The following MPPED2 variants were observed in gnomAD, a reference collection of about 807,000 sequenced individuals.
MPPED2 encodes metallophosphoesterase domain containing 2, also known as metallophosphoesterase MPPED2.
In MPPED2, 5 loss-of-function variants were observed where a neutral mutation model predicts 33.0. That is an observed-to-expected ratio of 0.15 (90% CI 0.08 to 0.32). MPPED2 has a LOEUF of 0.32. Among genes scored for constraint, MPPED2 ranks in the 10% least tolerant of loss-of-function variants. MPPED2 has a pLI of 1.00. For synonymous variants in MPPED2, 136 were observed against 141.9 expected (o/e 0.96, Z 0.29); for missense variants, 275 against 372.1 (o/e 0.74, Z 2.15).
At chr11:30,490,775 A>T (rs1951941296) in intron 4 of MPPED2, among the ~76,000 whole-genome samples, 1 of 152,178 alleles carries the variant, frequency 6.6e-6, no homozygotes, top group Non-Finnish European at 1.5e-5. Context: ...CCTAGTCTTG[A>T]GGTAGCTTTC....
intron 6 of MPPED2, 38 bp from the exon 7 acceptor site, chr11:30,411,624 C>A: frequency 6.4e-7 from 1 of 1,553,200 alleles, no homozygotes. Flanking sequence ...GTAATATATA[C>A]AAATGAGAGT....
intron 6 of MPPED2, among the ~76,000 whole-genome samples, chr11:30,413,583 C>T (rs1461429539): frequency 2.0e-5 from 3 of 152,186 alleles, no homozygotes; most frequent in African/African-American, 2.4e-5. Flanking sequence ...GGACCAGTTC[C>T]TATTTAAGAG....
At chr11:30,445,830 T>C (rs969720870) in intron 4 of MPPED2, among the ~76,000 whole-genome samples, 3 of 152,272 alleles carry the variant, frequency 2.0e-5, no homozygotes, top group Non-Finnish European at 2.9e-5. Context: ...TAGGTATCTA[T>C]GTTTTGTTTA....
intron 3 of MPPED2, among the ~76,000 whole-genome samples, chr11:30,520,602 C>T (rs559363045): frequency 6.6e-6 from 1 of 152,094 alleles, no homozygotes; most frequent in South Asian, 2.1e-4. Context: ...TCTTATATGT[C>T]ATTTTCATAT....
At chr11:30,404,390 G>A (rs945571009) in intron 6 of MPPED2, among the ~76,000 whole-genome samples, 1 of 152,168 alleles carries the variant, frequency 6.6e-6, no homozygotes, top group Non-Finnish European at 1.5e-5. Flanking sequence ...TTTCGTCAAT[G>A]GCATGCCATT....
exon 7 of MPPED2, chr11:30,384,922 C>G (rs1947686661): frequency 6.6e-6 from 1 of 152,172 alleles, no homozygotes; most frequent in Admixed American, 6.5e-5. Flanking sequence ...TGCTTTCCAC[C>G]AGACCACAAA....
At chr11:30,415,102 G>T (rs1948285006) in intron 5 of MPPED2, among the ~76,000 whole-genome samples, 1 of 152,172 alleles carries the variant, frequency 6.6e-6, no homozygotes, top group Non-Finnish European at 1.5e-5. Flanking sequence ...TAGGATGAAA[G>T]GCTAAATCGT....
At chr11:30,403,171 C>T (rs529829261) in intron 6 of MPPED2, among the ~76,000 whole-genome samples, 2 of 149,828 alleles carry the variant, frequency 1.3e-5, no homozygotes, top group South Asian at 2.1e-4. Flanking sequence ...GGCGTGAACC[C>T]GGGAGGCGGA....
chr11:30,411,678 G>C (rs1036641143), intron 6 of MPPED2, 92 bp from the exon 7 acceptor site: 1 of 1,054,302 alleles, frequency 9.5e-7, no homozygotes, highest in African/African-American at 1.6e-5. Context: ...AAAAATTTTT[G>C]TCAGTGGGCA....
At chr11:30,485,348 G>A (rs1951671807) in intron 4 of MPPED2, among the ~76,000 whole-genome samples, 1 of 102,860 alleles carries the variant, frequency 9.7e-6, no homozygotes, top group Non-Finnish European at 2.5e-5. Flanking sequence ...ATAAATAGTA[G>A]TTATTATTAT....
At chr11:30,431,419 G>A (rs943751883) in intron 4 of MPPED2, among the ~76,000 whole-genome samples, 1 of 152,208 alleles carries the variant, frequency 6.6e-6, no homozygotes, top group Non-Finnish European at 1.5e-5. Context: ...CAATCTGTAA[G>A]ATGGAGATAA....
chr11:30,483,426 C>A (rs1405786783), intron 4 of MPPED2, among the ~76,000 whole-genome samples: 1 of 151,970 alleles, frequency 6.6e-6, no homozygotes, highest in Non-Finnish European at 1.5e-5. Context: ...ACAAATGAAC[C>A]CTATGAGTTT....
At chr11:30,461,349 A>G (rs1950511236) in intron 4 of MPPED2, among the ~76,000 whole-genome samples, 1 of 152,218 alleles carries the variant, frequency 6.6e-6, no homozygotes, top group Admixed American at 6.5e-5. Flanking sequence ...GTACACTTAA[A>G]AAATAGTTAA....
intron 4 of MPPED2, among the ~76,000 whole-genome samples, chr11:30,432,769 C>T (rs985001074): frequency 1.3e-5 from 2 of 152,168 alleles, no homozygotes; most frequent in Non-Finnish European, 1.5e-5. Context: ...CACAAATCAA[C>T]AGCATTACTT....
intron 4 of MPPED2, among the ~76,000 whole-genome samples, chr11:30,419,736 C>A (rs1332086962): frequency 6.6e-6 from 1 of 152,102 alleles, no homozygotes; most frequent in Non-Finnish European, 1.5e-5. Context: ...AGGGTTTTCT[C>A]TCTGGGATCC....
At chr11:30,556,014 T>A (rs1001193689) in intron 2 of MPPED2, among the ~76,000 whole-genome samples, 20 of 152,332 alleles carry the variant, frequency 1.3e-4, no homozygotes, top group African/African-American at 4.1e-4. Flanking sequence ...CAGTTTTAGA[T>A]GTTCAGCTGA....
At chr11:30,487,063 T>C (rs1049103269) in intron 4 of MPPED2, among the ~76,000 whole-genome samples, 3 of 152,240 alleles carry the variant, frequency 2.0e-5, no homozygotes, top group African/African-American at 7.2e-5. Context: ...GCACTGAGCT[T>C]GCCTAGGGTA....
At chr11:30,521,432 T>C (rs1953871600) in intron 3 of MPPED2, among the ~76,000 whole-genome samples, 1 of 152,194 alleles carries the variant, frequency 6.6e-6, no homozygotes, top group Admixed American at 6.5e-5. Context: ...CCACAAGGAC[T>C]AACAGCCAGG....
At chr11:30,492,384 G>A (rs1952023627) in intron 4 of MPPED2, among the ~76,000 whole-genome samples, 1 of 152,150 alleles carries the variant, frequency 6.6e-6, no homozygotes, top group African/African-American at 2.4e-5. Flanking sequence ...AGGGATTTCT[G>A]AACATCTGCT....
Sources: gnomAD v4.1 joint callset for allele counts (sites outside exome capture counted in the v4.1 genomes callset) on GRCh38, gnomAD v4.1.1 for gene constraint, MANE v1.5 for transcripts, NCBI Gene and HGNC (gene_info 2026-07-23, HGNC 2026-07-21) for gene names.